SLC35D1: variants seen among roughly 807,000 people sequenced by gnomAD.
SLC35D1 encodes the protein solute carrier family 35 member D1.
In SLC35D1, 31 loss-of-function variants were observed where a neutral mutation model predicts 46.7. The ratio of observed to expected loss-of-function variants is 0.66; its 90% CI spans 0.50 to 0.90. SLC35D1 has a LOEUF of 0.90. Ranked by LOEUF, SLC35D1 falls within the 40% of genes least tolerant of loss-of-function variation. The pLI is 0.00. For synonymous variants in SLC35D1, 195 were observed against 164.6 expected (o/e 1.18, Z -1.41); for missense variants, 397 against 426.2 (o/e 0.93, Z 0.60).
intron 10 of SLC35D1, among the ~76,000 whole-genome samples, chr1:67,014,661 C>CA (rs141946714): frequency 0.21 from 26,521 of 124,490 alleles, 4,624 homozygotes; most frequent in African/African-American, 0.49. Flanking sequence ...AAAATGTCTT[C>CA]AATTTTTAGT....
chr1:67,037,790 G>T (rs1019376070), intron 8 of SLC35D1, among the ~76,000 whole-genome samples: 2 of 152,040 alleles, frequency 1.3e-5, no homozygotes, highest in Non-Finnish European at 2.9e-5. Flanking sequence ...GCATGTCATG[G>T]TAAAGAAAAA....
chr1:67,042,479 G>T, intron 7 of SLC35D1, 151 bp from the exon 8 acceptor site: 1 of 760,870 alleles, frequency 1.3e-6, no homozygotes, highest in Non-Finnish European at 2.3e-6. Flanking sequence ...TAGAAGTTTT[G>T]CAAACATTAA....
At chr1:66,986,290 A>G in the SLC35D1 span, 4 of 1,469,042 alleles carry the variant, frequency 2.7e-6, no homozygotes, top group Non-Finnish European at 3.6e-6. Flanking sequence ...TAAAAGTGCC[A>G]TTTTATTTTT....
chr1:66,977,948 C>T, the SLC35D1 span, among the ~76,000 whole-genome samples: 39 of 152,072 alleles, frequency 2.6e-4, no homozygotes, highest in African/African-American at 8.4e-4. Context: ...CCTGTAATCC[C>T]AGCACTTTGG....
the SLC35D1 span, among the ~76,000 whole-genome samples, chr1:66,989,077 C>G: frequency 6.6e-6 from 1 of 152,096 alleles, no homozygotes; most frequent in South Asian, 2.1e-4. Flanking sequence ...CATGATTTTC[C>G]CTAAGAAATT....
chr1:67,009,141 C>T lies in SLC35D1; in HGVS notation c.903G>A (p.Met301Ile), dbSNP rs1185304647. Reference sequence around the variant, plus strand: ...TGAAAATATAATCTCCACCAAAGACCATTCCAATATAAGTTATTAATATAT... The same window carrying T: ...TGAAAATATAATCTCCACCAAAGACTATTCCAATATAAGTTATTAATATAT... The part of the protein sequence containing the change: ...IKNILITYIG[M>I]VFGGDYIFTW... Residue 301 changes from methionine (M) to isoleucine (I), a missense_variant, in exon 11 of 12, where the codon ATG (methionine) becomes ATA (isoleucine). By Grantham distance (10) the Met-to-Ile change is conservative. Transcript: ENST00000235345. 4.8e-6 allele frequency: 7 copies of T among 1,469,058 alleles called. No homozygotes were observed. In the East Asian group the frequency reaches 9.2e-5, roughly 19 times the overall value. The allele number at this position is 1,469,058 out of a possible 1,614,324, so 91.0% of individuals were successfully genotyped here.
the SLC35D1 span, chr1:66,973,140 G>A: frequency 1.7e-6 from 1 of 575,256 alleles, no homozygotes; most frequent in Non-Finnish European, 3.1e-6. Context: ...TTATAGTAAG[G>A]CTGCCTATAC....
In SLC35D1 at chr1:67,001,884, A is replaced by G. The variant is rs569111908; in HGVS notation, c.*2456T>C. The G allele has an allele frequency of 1.3e-5, 2 of 152,562 alleles. No individual in the cohort carries two copies. The highest frequency in any genetic ancestry group is 4.8e-5 in the African/African-American group (2 of 41,592). 9.5% of individuals were successfully genotyped at this position (152,562 alleles called of 1,614,324 possible). A position where few individuals can be genotyped will look rare whatever the true frequency, so the allele number is the denominator to read the frequency against. On this transcript the variant is annotated 3_prime_UTR_variant, in exon 12 of 12. Coordinates refer to ENST00000235345, the MANE Select transcript of SLC35D1 (RefSeq NM_015139.3). ...GCTCTGGTCAGCCAGAAGTTTCAGC[A>G]TAAGCCAGGGCTCCCAAGGCACAGA...
At chr1:66,995,652 G>A (rs887582615), downstream of SLC35D1, among the ~76,000 whole-genome samples, 10 of 151,870 alleles carry the variant, frequency 6.6e-5, no homozygotes, top group Non-Finnish European at 1.0e-4. Context: ...CTCCAATCAA[G>A]GAGTGGGACA....
rs1217214124 is a variant in SLC35D1, at chr1:67,018,436, C to A, written c.876+1933G>T. On this transcript the variant is annotated intron_variant, in intron 10 of 11. Coordinates refer to ENST00000235345, the MANE Select transcript of SLC35D1 (RefSeq NM_015139.3). ...ACCTGTAGGTATATATTAGGGTATC[C>A]TAAGCAAGGCTGGCTATCAAGAAAA... Among the ~76,000 whole-genome samples, 3 of 152,020 alleles carry A rather than the reference C, an allele frequency of 2.0e-5. No individual in the cohort carries two copies. In the East Asian group the frequency reaches 5.8e-4, roughly 29 times the overall value.
the SLC35D1 span, chr1:66,986,744 T>G: frequency 3.1e-6 from 1 of 320,138 alleles, no homozygotes; most frequent in Non-Finnish European, 5.7e-6. Flanking sequence ...TTGAGAAGTA[T>G]GAGTTTTTTG....
the SLC35D1 span, chr1:66,985,814 A>AT: frequency 0.036 from 22,834 of 625,882 alleles, 46 homozygotes; most frequent in South Asian, 0.084. Context: ...GGATTATAAA[A>AT]TTTTTTTTTT....
At chr1:67,053,782 G>C in intron 1 of SLC35D1, 29 bp downstream of exon 1, 1 of 1,533,028 alleles carries the variant, frequency 6.5e-7, no homozygotes, top group South Asian at 1.2e-5. Flanking sequence ...CCTCCTCCGC[G>C]GCCTGGGCCG....
intron 7 of SLC35D1, among the ~76,000 whole-genome samples, chr1:67,043,752 C>A (rs1645220909): frequency 1.3e-5 from 2 of 152,136 alleles, no homozygotes; most frequent in African/African-American, 4.8e-5. Flanking sequence ...TTCTTAGCTA[C>A]TAGGGAGCAA....
At chr1:67,043,148 C>T (rs894426590) in intron 7 of SLC35D1, among the ~76,000 whole-genome samples, 3 of 151,240 alleles carry the variant, frequency 2.0e-5, no homozygotes, top group Admixed American at 6.6e-5. Context: ...GAGCCAAGAT[C>T]GCACCATTGC....
chr1:67,021,615 A>C lies in SLC35D1; in HGVS notation c.730-13T>G. The C allele has an allele frequency of 6.2e-7, 1 of 1,613,646 alleles. No homozygotes were observed. ...CAAACTCCACAGCCTGCAACACACA[A>C]GAAAGCATTAAATTTTAGACCAGGC... On this transcript the variant is annotated splice_polypyrimidine_tract_variant and intron_variant, in intron 8 of 11. Coordinates refer to ENST00000235345, the MANE Select transcript of SLC35D1 (RefSeq NM_015139.3).
At chr1:66,993,969 A>AT in the SLC35D1 span, among the ~76,000 whole-genome samples, 1 of 152,266 alleles carries the variant, frequency 6.6e-6, no homozygotes, top group Admixed American at 6.5e-5. Flanking sequence ...AAAGTACACC[A>AT]TTATGTTTTG....
intron 8 of SLC35D1, among the ~76,000 whole-genome samples, chr1:67,025,308 AT>A (rs1187586930): frequency 6.6e-6 from 1 of 152,206 alleles, no homozygotes; most frequent in Non-Finnish European, 1.5e-5. Context: ...CAGATGTCAA[AT>A]TGTTCTACCA....
chr1:66,981,905 T>G, the SLC35D1 span: 7 of 1,613,708 alleles, frequency 4.3e-6, no homozygotes, highest in Admixed American at 1.0e-4. Flanking sequence ...CTGTAAGCAC[T>G]GCTAATCAAA....
Sources: gnomAD v4.1 joint callset for allele counts (sites outside exome capture counted in the v4.1 genomes callset) on GRCh38, gnomAD v4.1.1 for gene constraint, MANE v1.5 for transcripts, NCBI Gene and HGNC (gene_info 2026-07-23, HGNC 2026-07-21) for gene names.